The following OSBPL3 variants were observed in gnomAD, a reference collection of about 807,000 sequenced individuals.
OSBPL3 encodes oxysterol-binding protein-related protein 3.
Under a neutral mutation model 120.1 loss-of-function variants are expected in OSBPL3, and 65 were observed. The observed-to-expected ratio is 0.54, with a 90% CI of 0.44 to 0.67. The LOEUF (loss-of-function observed/expected upper bound fraction) is 0.67, where lower values mean the gene tolerates loss of function less well. OSBPL3 is among the 30% of genes least tolerant of loss of function. The pLI, the probability that OSBPL3 is intolerant of heterozygous loss-of-function variation, is 0.00. For missense variants in OSBPL3, 1,004 were observed against 1,082.1 expected (o/e 0.93, Z 1.01); for synonymous variants, 416 against 402.6 (o/e 1.03, Z -0.40).
chr7:24,931,621 T>C lies in OSBPL3; in HGVS notation c.-149-39000A>G, dbSNP rs760351229. 5.9e-5 allele frequency among the ~76,000 whole-genome samples: 9 copies of C among 152,308 alleles called. No homozygotes were observed. The South Asian group carries it at 8.3e-4, about 14-fold the overall frequency. The stretch of plus-strand genomic sequence containing the variant: ...AAGAACAATGCCCGTTGACACCTGA[T>C]TTTAGTTTTCTGACCTCCAGAACTG... On this transcript the variant is annotated intron_variant, in intron 1 of 22. Coordinates refer to ENST00000313367, the MANE Select transcript of OSBPL3 (RefSeq NM_015550.4).
At position 24,899,987 on chromosome 7, in the gene OSBPL3, G is replaced by A. The variant is rs904633118; in HGVS notation, c.-149-7366C>T. On this transcript the variant is annotated intron_variant, in intron 1 of 22. Transcript: ENST00000313367. This position sits in a 1 kb window ranked among gnomAD's most constrained non-coding sequence, Gnocchi z 4.0. The stretch of plus-strand genomic sequence containing the variant: ...TTCAACCTTTCTTATTTGACTCCAA[G>A]CCAATCCTTCTATTTGTGTATGTGT... Among the ~76,000 whole-genome samples, 1 of 152,172 alleles carries A rather than the reference G, an allele frequency of 6.6e-6. No homozygotes were observed. Among genetic ancestry groups the A allele is most frequent in the African/African-American group, 2.4e-5 (1 of 41,438 alleles).
rs972414835 is a variant in OSBPL3, at chr7:24,896,612, A to C, written c.-149-3991T>G. On this transcript the variant is annotated intron_variant, in intron 1 of 22. Coordinates refer to ENST00000313367, the MANE Select transcript of OSBPL3 (RefSeq NM_015550.4). This position sits in a 1 kb window ranked among gnomAD's most constrained non-coding sequence, Gnocchi z 4.4. Reference sequence around the variant, plus strand: ...GATAACACAATTTGGGAAAAGATGTAAAGGTGACATCACATACTATATATG... The same window carrying C: ...GATAACACAATTTGGGAAAAGATGTCAAGGTGACATCACATACTATATATG... 6.6e-6 allele frequency among the ~76,000 whole-genome samples: 1 copy of C among 152,252 alleles called. No homozygotes were observed. The highest frequency in any genetic ancestry group is 1.5e-5 in the Non-Finnish European group (1 of 68,038).
Position 24,804,233 on chromosome 7 carries a change from T to A in OSBPL3, c.2567+82A>T. The A allele has an allele frequency of 6.6e-7, 1 of 1,516,158 alleles. No homozygotes were observed. The allele number at this position is 1,516,158 out of a possible 1,614,324, so 93.9% of individuals were successfully genotyped here. On this transcript the variant is annotated intron_variant, in intron 22 of 22. Coordinates refer to ENST00000313367, the MANE Select transcript of OSBPL3 (RefSeq NM_015550.4). The surrounding 1 kb of genome is among the most constrained non-coding windows in gnomAD (Gnocchi z 5.4). ...GGAGAATGCTCTTATCTGGGGACAG[T>A]ACTGTTCACTTTCTGCAAACCAGAA...
chr7:24,830,733 C>T lies in OSBPL3; in HGVS notation c.1884+35G>A, dbSNP rs757934368. The T allele has an allele frequency of 2.5e-6, 4 of 1,573,896 alleles. No individual in the cohort carries two copies. Among genetic ancestry groups the T allele is most frequent in the Admixed American group, 3.9e-5 (2 of 50,842 alleles). ...CACATTTAATGGGAGACATAAGCAA[C>T]CCCTCCCAACAAGCAAAAAATGGTG... On this transcript the variant is annotated intron_variant, in intron 16 of 22. Coordinates refer to ENST00000313367, the MANE Select transcript of OSBPL3 (RefSeq NM_015550.4). The surrounding 1 kb of genome is among the most constrained non-coding windows in gnomAD (Gnocchi z 4.4).
chr7:24,807,487 C>A (rs1266414862), intron 20 of OSBPL3, among the ~76,000 whole-genome samples: 1 of 145,240 alleles, frequency 6.9e-6, no homozygotes, highest in African/African-American at 2.5e-5. Flanking sequence ...GAGCGAAACT[C>A]CATCTCAAAA....
chr7:24,961,639 T>C (rs1815751711), intron 1 of OSBPL3, among the ~76,000 whole-genome samples: 1 of 152,164 alleles, frequency 6.6e-6, no homozygotes, highest in Admixed American at 6.5e-5. Flanking sequence ...GATCTGCTGG[T>C]GCCTTGATAT....
At chr7:24,809,300 T>C (rs1027168580) in intron 20 of OSBPL3, among the ~76,000 whole-genome samples, 6 of 152,188 alleles carry the variant, frequency 3.9e-5, no homozygotes, top group Non-Finnish European at 7.3e-5. Flanking sequence ...AAGCTGGGGT[T>C]CCCTAGCTCT....
At position 24,922,052 on chromosome 7, in the gene OSBPL3, G is replaced by A. The variant is rs927390699; in HGVS notation, c.-149-29431C>T. Among the ~76,000 whole-genome samples the A allele has an allele frequency of 1.4e-4, 21 of 152,150 alleles. No individual in the cohort carries two copies. The highest frequency in any genetic ancestry group is 3.3e-4 in the Admixed American group (5 of 15,268). ...GGTACACAGCAGCCACCTCAAAAACGCTTGTGGAATCTCTATACTTCTAAC... is the reference window on the plus strand; with the variant it reads ...GGTACACAGCAGCCACCTCAAAAACACTTGTGGAATCTCTATACTTCTAAC... On this transcript the variant is annotated intron_variant, in intron 1 of 22. Coordinates refer to ENST00000313367, the MANE Select transcript of OSBPL3 (RefSeq NM_015550.4). This position sits in a 1 kb window ranked among gnomAD's most constrained non-coding sequence, Gnocchi z 4.3.
chr7:24,800,712 C>T (rs1792214423), intron 22 of OSBPL3, among the ~76,000 whole-genome samples: 1 of 152,010 alleles, frequency 6.6e-6, no homozygotes, highest in South Asian at 2.1e-4. Context: ...CCACTTCGGA[C>T]TCCCAAAGTG....
At chr7:24,941,125 G>A (rs865885394) in intron 1 of OSBPL3, among the ~76,000 whole-genome samples, 4 of 152,268 alleles carry the variant, frequency 2.6e-5, no homozygotes, top group Non-Finnish European at 5.9e-5. Context: ...GGCCAACATT[G>A]CTTTCTTTTA....
chr7:24,833,417 C>T lies in OSBPL3; in HGVS notation c.1746+1069G>A, dbSNP rs1199604100. ...AGGCCCTGGAGACTGGGCAGAATGACTATGGGCTATCCCTCTCAGACAGCA... is the reference window on the plus strand; with the variant it reads ...AGGCCCTGGAGACTGGGCAGAATGATTATGGGCTATCCCTCTCAGACAGCA... On this transcript the variant is annotated intron_variant, in intron 15 of 22. Coordinates refer to ENST00000313367, the MANE Select transcript of OSBPL3 (RefSeq NM_015550.4). This position sits in a 1 kb window ranked among gnomAD's most constrained non-coding sequence, Gnocchi z 4.4. 1.3e-5 allele frequency among the ~76,000 whole-genome samples: 2 copies of T among 152,204 alleles called. No homozygotes were observed. Among genetic ancestry groups the T allele is most frequent in the Admixed American group, 6.5e-5 (1 of 15,286 alleles).
At position 24,894,182 on chromosome 7, in the gene OSBPL3, A is replaced by C. The variant is rs1805788332; in HGVS notation, c.-149-1561T>G. On this transcript the variant is annotated intron_variant, in intron 1 of 22. Transcript: ENST00000313367. This position sits in a 1 kb window ranked among gnomAD's most constrained non-coding sequence, Gnocchi z 4.1. ...AAATAAAAAAGAGTACATTAAAGCA[A>C]TAAGCTAGAATCAAAACAATGAAAA... is the stretch of plus-strand genomic sequence containing the variant. 6.6e-6 allele frequency among the ~76,000 whole-genome samples: 1 copy of C among 152,220 alleles called. No homozygotes were observed. Among genetic ancestry groups the C allele is most frequent in the Non-Finnish European group, 1.5e-5 (1 of 68,042 alleles).
intron 1 of OSBPL3, among the ~76,000 whole-genome samples, chr7:24,973,385 T>A (rs1817238303): frequency 6.6e-6 from 1 of 152,212 alleles, no homozygotes; most frequent in South Asian, 2.1e-4. Flanking sequence ...AGAATCATAT[T>A]CCACTCATAC....
chr7:24,918,860 T>C lies in OSBPL3; in HGVS notation c.-149-26239A>G, dbSNP rs948121097. Among the ~76,000 whole-genome samples the C allele has an allele frequency of 1.3e-5, 2 of 152,204 alleles. No homozygotes were observed. Among genetic ancestry groups the C allele is most frequent in the Non-Finnish European group, 2.9e-5 (2 of 68,030 alleles). On this transcript the variant is annotated intron_variant, in intron 1 of 22. Transcript: ENST00000313367. This position sits in a 1 kb window ranked among gnomAD's most constrained non-coding sequence, Gnocchi z 4.3. ...CGTATTACAAGGTACCAAGAAAGCT[T>C]CTGCATCCATGAGAAGGGGATAGAA... is the stretch of plus-strand genomic sequence containing the variant.
chr7:24,929,425 T>C (rs554519860), intron 1 of OSBPL3, among the ~76,000 whole-genome samples: 105 of 152,300 alleles, frequency 6.9e-4, no homozygotes, highest in African/African-American at 2.3e-3. Flanking sequence ...TTGAGCCAAA[T>C]GAGGCTTAAA....
At chr7:24,839,106 T>C (rs910375838) in intron 14 of OSBPL3, among the ~76,000 whole-genome samples, 2 of 152,192 alleles carry the variant, frequency 1.3e-5, no homozygotes, top group African/African-American at 4.8e-5. Flanking sequence ...CGTTCACACA[T>C]ACACACTGAG....
At chr7:24,836,523 G>T (rs1797015806) in intron 14 of OSBPL3, among the ~76,000 whole-genome samples, 1 of 152,026 alleles carries the variant, frequency 6.6e-6, no homozygotes, top group African/African-American at 2.4e-5. Context: ...GGAGTATTTT[G>T]ATGAATGAAA....
chr7:24,870,891 G>A, intron 4 of OSBPL3, 46 bp from the exon 5 acceptor site: 1 of 1,218,748 alleles, frequency 8.2e-7, no homozygotes, highest in South Asian at 1.2e-5. Flanking sequence ...GGTGTTAGAA[G>A]CAGTAGTCAC....
In OSBPL3 at chr7:24,834,564, C is replaced by T. The variant is rs1796768256; in HGVS notation, c.1668G>A (p.Leu556=). ...ACTCCAGCTCCTCGCAGAGCCTCTG[C>T]AGCGTGTTCAGGGGCTCGTTCAGCT... ...PVELNEPLNT[L]QRLCEELEYS... is the part of the protein sequence containing the mutation. The change falls in exon 15 of 23, where the codon CTG becomes CTA. Residue 556 remains leucine, a synonymous_variant. Coordinates refer to ENST00000313367, the MANE Select transcript of OSBPL3 (RefSeq NM_015550.4). This position sits in a 1 kb window ranked among gnomAD's most constrained non-coding sequence, Gnocchi z 5.2. The T allele has an allele frequency of 1.9e-6, 3 of 1,614,194 alleles. No homozygotes were observed. The highest frequency in any genetic ancestry group is 2.5e-6 in the Non-Finnish European group (3 of 1,180,014).
Sources: gnomAD v4.1 joint callset for allele counts (sites outside exome capture counted in the v4.1 genomes callset) on GRCh38, gnomAD v4.1.1 for gene constraint, Gnocchi (gnomAD v3.1) non-coding constraint, MANE v1.5 for transcripts, NCBI Gene and HGNC (gene_info 2026-07-23, HGNC 2026-07-21) for gene names.